ST6GAL1: variants seen among roughly 807,000 people sequenced by gnomAD.
The protein encoded by ST6GAL1 is beta-galactoside alpha-2,6-sialyltransferase 1.
A neutral mutation model predicts 38.0 loss-of-function variants in ST6GAL1; 20 were observed. That is an observed-to-expected ratio of 0.53 (90% CI 0.37 to 0.77). The LOEUF (loss-of-function observed/expected upper bound fraction) is 0.77. Among genes scored for constraint, ST6GAL1 ranks in the 30% least tolerant of loss-of-function variants. The pLI is 0.00. For synonymous variants in ST6GAL1, 196 were observed against 188.2 expected (o/e 1.04, Z -0.34); for missense variants, 432 against 496.4 (o/e 0.87, Z 1.23).
At chr3:187,072,614 T>TGG (rs1719425810) in intron 5 of ST6GAL1, 1 of 469,744 alleles carries the variant, frequency 2.1e-6, no homozygotes, top group Non-Finnish European at 4.0e-6. Context: ...CCTGACTGGA[T>TGG]GGAACCCTTT....
intron 2 of ST6GAL1, among the ~76,000 whole-genome samples, chr3:187,000,187 G>C (rs1417512347): frequency 1.3e-5 from 2 of 152,034 alleles, no homozygotes; most frequent in Admixed American, 1.3e-4. Context: ...TTGTAACAAT[G>C]GTCACTTGTA....
At chr3:186,957,514 C>T (rs1453234331) in intron 1 of ST6GAL1, among the ~76,000 whole-genome samples, 1 of 151,834 alleles carries the variant, frequency 6.6e-6, no homozygotes, top group Non-Finnish European at 1.5e-5. Flanking sequence ...AATAGTAAGA[C>T]TCGCAGAAAA....
At chr3:186,983,634 A>T (rs77978145) in intron 2 of ST6GAL1, among the ~76,000 whole-genome samples, 14,121 of 152,154 alleles carry the variant, frequency 0.093, 799 homozygotes, top group East Asian at 0.24. Context: ...AGGGGATTAT[A>T]ATGGTTATTA....
At chr3:187,003,519 T>C (rs2108554207) in intron 2 of ST6GAL1, among the ~76,000 whole-genome samples, 1 of 152,350 alleles carries the variant, frequency 6.6e-6, no homozygotes. Flanking sequence ...TTGATCAGCA[T>C]GGTATATATC....
Position 186,947,967 on chromosome 3 carries a change from C to T in ST6GAL1, c.-324-15818C>T, listed in dbSNP as rs564902448. Among the ~76,000 whole-genome samples the T allele has an allele frequency of 1.8e-3, 277 of 152,324 alleles. 1 individual carries two copies. Among genetic ancestry groups the T allele is most frequent in the African/African-American group, 6.5e-3 (270 of 41,574 alleles). Reference sequence around the variant, plus strand: ...GGGTTGACACAAACAACCTGGTCAACAGGCAAGAAACTGCTTCCCTGACTC... The same window carrying T: ...GGGTTGACACAAACAACCTGGTCAATAGGCAAGAAACTGCTTCCCTGACTC... On this transcript the variant is annotated intron_variant, in intron 1 of 7. Transcript: ENST00000169298.
At chr3:187,001,334 C>T (rs192646701) in intron 2 of ST6GAL1, among the ~76,000 whole-genome samples, 9 of 152,356 alleles carry the variant, frequency 5.9e-5, no homozygotes, top group Admixed American at 4.6e-4. Context: ...TTACCTTTCT[C>T]TGCCTCATTT....
intron 1 of ST6GAL1, among the ~76,000 whole-genome samples, chr3:186,933,524 T>G (rs866512505): frequency 3.9e-5 from 6 of 152,198 alleles, no homozygotes; most frequent in Non-Finnish European, 8.8e-5. Flanking sequence ...GGTGGGGCAT[T>G]GCTGGCCCGA....
At chr3:186,947,857 C>T (rs3887925) in intron 1 of ST6GAL1, among the ~76,000 whole-genome samples, 65,880 of 151,964 alleles carry the variant, frequency 0.43, 15,908 homozygotes, top group Non-Finnish European at 0.55. Flanking sequence ...GCGGACACAC[C>T]CCTTGCTCTG....
rs180719556 is a variant in ST6GAL1, at chr3:187,076,601, G to A, written c.*798G>A. The A allele has an allele frequency of 2.2e-4, 84 of 378,330 alleles. No individual in the cohort carries two copies. The highest frequency in any genetic ancestry group is 1.3e-3 in the East Asian group (33 of 26,328). The allele number at this position is 378,330 out of a possible 1,614,324, so 23.4% of individuals were successfully genotyped here. ...CTCTCTGTGCACCCAGGAGGGCCACGCACTTAAAACTGTGTTTGTGGATCA... is the reference window on the plus strand; with the variant it reads ...CTCTCTGTGCACCCAGGAGGGCCACACACTTAAAACTGTGTTTGTGGATCA... On this transcript the variant is annotated 3_prime_UTR_variant, in exon 8 of 8. Coordinates refer to ENST00000169298, the MANE Select transcript of ST6GAL1 (RefSeq NM_173216.2).
intron 4 of ST6GAL1, among the ~76,000 whole-genome samples, chr3:187,050,732 G>A (rs1294224411): frequency 6.6e-6 from 1 of 151,416 alleles, no homozygotes; most frequent in Admixed American, 6.6e-5. Context: ...GAACGCCTGG[G>A]GGTTGTCTTG....
At chr3:186,938,436 T>A (rs537259053) in intron 1 of ST6GAL1, among the ~76,000 whole-genome samples, 57 of 152,262 alleles carry the variant, frequency 3.7e-4, no homozygotes, top group African/African-American at 1.4e-3. Flanking sequence ...TTAGATGAAA[T>A]CGTGGGTGAA....
intron 1 of ST6GAL1, among the ~76,000 whole-genome samples, chr3:186,943,011 T>C (rs566283625): frequency 1.3e-5 from 2 of 152,316 alleles, no homozygotes; most frequent in Non-Finnish European, 1.5e-5. Context: ...ACTGCAGTGC[T>C]CATTTTTAGA....
At chr3:187,005,526 C>G (rs565818959) in intron 2 of ST6GAL1, among the ~76,000 whole-genome samples, 14 of 152,114 alleles carry the variant, frequency 9.2e-5, no homozygotes, top group Middle Eastern at 3.4e-3. Flanking sequence ...CTGCCCGCCT[C>G]GGCCTCCCAA....
At chr3:187,009,271 A>G (rs142861482) in intron 2 of ST6GAL1, among the ~76,000 whole-genome samples, 1 of 152,098 alleles carries the variant, frequency 6.6e-6, no homozygotes, top group Non-Finnish European at 1.5e-5. Flanking sequence ...TAATGGTACT[A>G]TGGTCGTATT....
intron 5 of ST6GAL1, among the ~76,000 whole-genome samples, chr3:187,066,863 A>G (rs1446425900): frequency 1.3e-5 from 2 of 152,010 alleles, no homozygotes; most frequent in Non-Finnish European, 2.9e-5. Context: ...CCTGCAGGTA[A>G]GTACAGGCGT....
Position 186,943,361 on chromosome 3 carries a change from G to A in ST6GAL1, c.-325+12527G>A, listed in dbSNP as rs537046420. Among the ~76,000 whole-genome samples, 5 of 152,332 alleles carry A rather than the reference G, an allele frequency of 3.3e-5. No individual in the cohort carries two copies. In the South Asian group the frequency reaches 1.0e-3, roughly 32 times the overall value. On this transcript the variant is annotated intron_variant, in intron 1 of 7. Transcript: ENST00000169298. ...GAGAGAAATGCATGAGGCATGAAGTGGCGGGACTTGAGGCTGGAACCATTA... is the reference window on the plus strand; with the variant it reads ...GAGAGAAATGCATGAGGCATGAAGTAGCGGGACTTGAGGCTGGAACCATTA...
At chr3:186,944,810 C>CT (rs1714299807) in intron 1 of ST6GAL1, among the ~76,000 whole-genome samples, 1 of 152,180 alleles carries the variant, frequency 6.6e-6, no homozygotes, top group Non-Finnish European at 1.5e-5. Context: ...GCACTCGTCG[C>CT]TTTTGCTCAT....
At chr3:186,997,406 A>G (rs1278414209) in intron 2 of ST6GAL1, among the ~76,000 whole-genome samples, 1 of 152,070 alleles carries the variant, frequency 6.6e-6, no homozygotes, top group Non-Finnish European at 1.5e-5. Context: ...GCTCTTCATC[A>G]TCTGTCTCAG....
At chr3:186,979,525 T>TGTGTATTGTGC (rs147224178) in intron 2 of ST6GAL1, among the ~76,000 whole-genome samples, 9,579 of 152,046 alleles carry the variant, frequency 0.063, 392 homozygotes, top group East Asian at 0.18. Flanking sequence ...AGGGTAGGGG[T>TGTGTATTGTGC]AGAAGAGGAG....
Sources: allele counts gnomAD v4.1 joint callset (sites outside exome capture counted in the v4.1 genomes callset), GRCh38; gene constraint gnomAD v4.1.1; transcripts MANE v1.5; gene names NCBI Gene and HGNC (gene_info 2026-07-23, HGNC 2026-07-21).